The following ATR variants were observed in gnomAD, a reference collection of about 807,000 sequenced individuals.
ATR encodes the protein ATR checkpoint kinase, also known as serine/threonine-protein kinase ATR.
Under a neutral mutation model 305.3 loss-of-function variants are expected in ATR, and 142 were observed. The observed-to-expected ratio is 0.47, with a 90% CI of 0.41 to 0.53. ATR has a LOEUF of 0.53. Among genes scored for constraint, ATR ranks in the 20% least tolerant of loss-of-function variants. ATR has a pLI of 0.00. For synonymous variants in ATR, 1,050 were observed against 1,068.1 expected, an observed-to-expected ratio of 0.98 and a Z score of 0.33; for missense variants, 2,135 against 3,133.1, an observed-to-expected ratio of 0.68 and a Z score of 7.60.
chr3:142,578,612 G>A (rs2035518098), intron 1 of ATR, 34 bp downstream of exon 1: 2 of 1,602,800 alleles, frequency 1.2e-6, no homozygotes. Context: ...ATCAGCGGAG[G>A]AGGATGCAGG....
chr3:142,528,505 T>A (rs970298315), intron 21 of ATR, among the ~76,000 whole-genome samples: 2 of 152,170 alleles, frequency 1.3e-5, no homozygotes, highest in African/African-American at 2.4e-5. Context: ...GGTGGCAGAA[T>A]GAGAATTCCT....
chr3:142,496,312 A>G (rs540161264), intron 34 of ATR, 49 bp downstream of exon 34: 2 of 194,978 alleles, frequency 1.0e-5, no homozygotes. Flanking sequence ...ATATATATAT[A>G]TATATATATA....
chr3:142,498,096 C>T (rs2031750438), intron 32 of ATR, among the ~76,000 whole-genome samples: 1 of 152,044 alleles, frequency 6.6e-6, no homozygotes, highest in South Asian at 2.1e-4. Context: ...TTTCTTATAC[C>T]TTAATTACAA....
chr3:142,452,148 G>C (rs753104410), intron 46 of ATR: 51 of 1,017,144 alleles, frequency 5.0e-5, no homozygotes, highest in Non-Finnish European at 5.7e-5. Flanking sequence ...AAAGGGTTAA[G>C]GATGACATGA....
At chr3:142,534,357 A>T (rs2108422256) in intron 21 of ATR, among the ~76,000 whole-genome samples, 1 of 152,224 alleles carries the variant, frequency 6.6e-6, no homozygotes, top group Non-Finnish European at 1.5e-5. Context: ...TCACTGCCCC[A>T]GAAAAATGTG....
intron 21 of ATR, 112 bp from the exon 22 acceptor site, chr3:142,524,311 A>T (rs1175283041): frequency 9.0e-7 from 1 of 1,110,436 alleles, no homozygotes; most frequent in Non-Finnish European, 1.3e-6. Flanking sequence ...TATTGACAAA[A>T]TTAAATTTCT....
rs1361900281 is a variant in ATR at position 142,496,999 on chromosome 3, G to C, written c.5738+14C>G. 1.2e-6 allele frequency: 2 copies of C among 1,609,668 alleles called. No homozygotes were observed. Among genetic ancestry groups the C allele is most frequent in the Admixed American group, 1.7e-5 (1 of 59,336 alleles). ...AAGATAAGTGACATTTTTAAAAAAAGTAGTGTGAGAAACCTTTTGTTGAGG... is the reference window on the plus strand; with the variant it reads ...AAGATAAGTGACATTTTTAAAAAAACTAGTGTGAGAAACCTTTTGTTGAGG... On this transcript the variant is annotated intron_variant, in intron 33 of 46. Transcript: ENST00000350721.
intron 35 of ATR, among the ~76,000 whole-genome samples, chr3:142,488,681 A>G (rs1045222714): frequency 1.3e-5 from 2 of 152,164 alleles, no homozygotes; most frequent in Non-Finnish European, 2.9e-5. Context: ...TCCCTATACT[A>G]CTACTAACTT....
chr3:142,535,654 C>T (rs1201661056), intron 20 of ATR, among the ~76,000 whole-genome samples: 1 of 152,156 alleles, frequency 6.6e-6, no homozygotes, highest in African/African-American at 2.4e-5. Context: ...TTTTAGAGAG[C>T]TCACTAAGAT....
At chr3:142,474,970 T>C (rs2071399279) in intron 36 of ATR, among the ~76,000 whole-genome samples, 1 of 152,068 alleles carries the variant, frequency 6.6e-6, no homozygotes, top group Non-Finnish European at 1.5e-5. Context: ...AACAAAGGAA[T>C]GAAAAACACA....
intron 36 of ATR, among the ~76,000 whole-genome samples, chr3:142,471,225 T>A (rs2071256109): frequency 6.6e-6 from 1 of 152,224 alleles, no homozygotes; most frequent in African/African-American, 2.4e-5. Flanking sequence ...GTGACTGGCT[T>A]ATTTCACTTA....
At position 142,566,188 on chromosome 3, in the gene ATR, G is replaced by A. The variant is rs886058059; in HGVS notation, c.225C>T (p.Ile75=). ...CAAACATAAGTGGGGAGGATTTCAT[G>A]ATATGCTGGATGAAATCAAGCAACA... ...SVMLLDFIQH[I]MKSSPLMFVN... The change falls in exon 3 of 47, where the codon ATC becomes ATT. Residue 75 remains isoleucine (I), a synonymous_variant. Transcript: ENST00000350721. 1.2e-6 allele frequency: 2 copies of A among 1,613,932 alleles called. No homozygotes were observed. The highest frequency in any genetic ancestry group is 1.7e-6 in the Non-Finnish European group (2 of 1,179,904).
chr3:142,573,976 A>T (rs2035357214), intron 1 of ATR, among the ~76,000 whole-genome samples: 1 of 152,224 alleles, frequency 6.6e-6, no homozygotes, highest in Non-Finnish European at 1.5e-5. Flanking sequence ...AACCACAGTA[A>T]TTTCACAAGT....
chr3:142,567,300 G>C (rs1017980850), intron 2 of ATR, among the ~76,000 whole-genome samples: 1 of 152,316 alleles, frequency 6.6e-6, no homozygotes, highest in East Asian at 1.9e-4. Flanking sequence ...ATGATTCCTA[G>C]ATGAGGAGTT....
At chr3:142,550,376 T>C in intron 13 of ATR, 74 bp from the exon 14 acceptor site, 4 of 1,456,122 alleles carry the variant, frequency 2.7e-6, no homozygotes, top group Middle Eastern at 1.7e-4. Flanking sequence ...TAAGCCACCA[T>C]AGAGGGCAGT....
In ATR at chr3:142,505,134, C is replaced by G. The variant is rs2108355039; in HGVS notation, c.5196+5G>C. 6.2e-7 allele frequency: 1 copy of G among 1,614,050 alleles called. No homozygotes were observed. The highest frequency in any genetic ancestry group is 8.5e-7 in the Non-Finnish European group (1 of 1,179,934). On this transcript the variant is annotated splice_donor_5th_base_variant and intron_variant, in intron 29 of 46. Transcript: ENST00000350721. ...ATTACAGTTGCCTTTCAATTATTATCTTACCTGGTCTGGTTCTAGCTGAAT... is the reference window on the plus strand; with the variant it reads ...ATTACAGTTGCCTTTCAATTATTATGTTACCTGGTCTGGTTCTAGCTGAAT...
intron 36 of ATR, chr3:142,472,282 C>A (rs187859397): frequency 6.6e-6 from 1 of 152,106 alleles, no homozygotes; most frequent in African/African-American, 2.4e-5. Flanking sequence ...TAGATATATA[C>A]CCCATAATGG....
At chr3:142,517,743 G>A (rs1047678720) in intron 24 of ATR, among the ~76,000 whole-genome samples, 1 of 152,144 alleles carries the variant, frequency 6.6e-6, no homozygotes, top group Admixed American at 6.6e-5. Context: ...TGCTTCCTAT[G>A]AAAAACATGA....
chr3:142,451,782 G>A, intron 46 of ATR: 3 of 1,207,984 alleles, frequency 2.5e-6, no homozygotes, highest in South Asian at 1.7e-5. Flanking sequence ...AGAGACCAGG[G>A]CTGGCTTTGT....
Sources: allele counts gnomAD v4.1 joint callset (sites outside exome capture counted in the v4.1 genomes callset), GRCh38; gene constraint gnomAD v4.1.1; transcripts MANE v1.5; gene names NCBI Gene and HGNC (gene_info 2026-07-23, HGNC 2026-07-21).